The following XRCC4 variants were observed in gnomAD, a reference collection of about 807,000 sequenced individuals.
XRCC4 encodes DNA repair protein XRCC4.
In XRCC4, 28 loss-of-function variants were observed where a neutral mutation model predicts 39.1. The ratio of observed to expected loss-of-function variants is 0.72; its 90% confidence interval spans 0.53 to 0.98. XRCC4 has a LOEUF of 0.98. Among genes scored for constraint, XRCC4 ranks in the 50% least tolerant of loss-of-function variants. XRCC4 has a pLI of 0.00. For missense variants in XRCC4, 350 were observed against 376.4 expected (o/e 0.93, Z 0.58); for synonymous variants, 123 against 126.4 (o/e 0.97, Z 0.18).
intron 7 of XRCC4, chr5:83,280,127 C>T (rs1754484817): frequency 4.6e-6 from 1 of 218,132 alleles, no homozygotes; most frequent in Admixed American, 4.7e-5. Flanking sequence ...AAGACCTGGG[C>T]TAAAACACCA....
chr5:83,142,374 T>C (rs1175713070), intron 3 of XRCC4, among the ~76,000 whole-genome samples: 2 of 152,048 alleles, frequency 1.3e-5, no homozygotes, highest in African/African-American at 2.4e-5. Context: ...GCCAAATAGC[T>C]AGTGAGTGGC....
intron 7 of XRCC4, chr5:83,258,962 A>G (rs909769149): frequency 1.2e-5 from 4 of 331,348 alleles, no homozygotes; most frequent in Admixed American, 4.9e-5. Flanking sequence ...TTGGAATCCA[A>G]CTAGTGTTCA....
At chr5:83,240,400 G>A (rs565576885) in intron 6 of XRCC4, among the ~76,000 whole-genome samples, 285 of 152,206 alleles carry the variant, frequency 1.9e-3, no homozygotes, top group Non-Finnish European at 3.3e-3. Flanking sequence ...AGAGAGAAGC[G>A]ATGACCTGAA....
chr5:83,373,839 C>A, the XRCC4 span, among the ~76,000 whole-genome samples: 2 of 152,026 alleles, frequency 1.3e-5, no homozygotes, highest in South Asian at 2.1e-4. Context: ...ATAATAGCTA[C>A]CTTCTATTTA....
intron 3 of XRCC4, among the ~76,000 whole-genome samples, chr5:83,121,830 T>G (rs765511317): frequency 4.6e-5 from 7 of 152,188 alleles, no homozygotes; most frequent in Non-Finnish European, 8.8e-5. Flanking sequence ...AGATTTTACA[T>G]TTAGAGTCTG....
intron 3 of XRCC4, among the ~76,000 whole-genome samples, chr5:83,171,071 T>G (rs577613105): frequency 1.1e-4 from 17 of 152,258 alleles, no homozygotes; most frequent in African/African-American, 3.8e-4. Flanking sequence ...TTCACTCTAA[T>G]AGACCTGCAC....
At chr5:83,185,393 G>T (rs1260946217) in intron 3 of XRCC4, among the ~76,000 whole-genome samples, 1 of 146,276 alleles carries the variant, frequency 6.8e-6, no homozygotes, top group Non-Finnish European at 1.5e-5. Flanking sequence ...CTTTATTAAG[G>T]TATGATTGAT....
intron 7 of XRCC4, among the ~76,000 whole-genome samples, chr5:83,339,422 A>G (rs1756688933): frequency 6.6e-6 from 1 of 152,036 alleles, no homozygotes; most frequent in Non-Finnish European, 1.5e-5. Flanking sequence ...GGAGTTGAAC[A>G]ATGGGAACAC....
intron 3 of XRCC4, among the ~76,000 whole-genome samples, chr5:83,136,737 C>G (rs931810161): frequency 5.9e-5 from 9 of 152,114 alleles, no homozygotes; most frequent in African/African-American, 2.2e-4. Flanking sequence ...GCAATAAAGA[C>G]CTGCAGTACT....
At chr5:83,252,698 A>G (rs1296501587) in intron 6 of XRCC4, among the ~76,000 whole-genome samples, 2 of 152,098 alleles carry the variant, frequency 1.3e-5, no homozygotes, top group Non-Finnish European at 2.9e-5. Flanking sequence ...TTCTCAGCTG[A>G]GAAACTTAGA....
intron 3 of XRCC4, among the ~76,000 whole-genome samples, chr5:83,178,539 T>G (rs549112046): frequency 1.3e-5 from 2 of 152,102 alleles, no homozygotes; most frequent in East Asian, 3.9e-4. Context: ...GCCAAGCCAG[T>G]GCAAGCAAAA....
rs140503453 is a variant in XRCC4, at chr5:83,085,560, C to T, written c.-11+7945C>T. ...CATGTATGGGTTTAACATAAAATGA[C>T]AGTATCATTGCTATTTATAAATTTG... On this transcript the variant is annotated intron_variant, in intron 1 of 7. Coordinates refer to ENST00000396027, the MANE Select transcript of XRCC4 (RefSeq NM_003401.5). Among the ~76,000 whole-genome samples, 900 of 152,156 alleles carry T rather than the reference C, an allele frequency of 5.9e-3. 2 individuals are homozygous for T. Among genetic ancestry groups the T allele is most frequent in the Non-Finnish European group, 8.9e-3 (602 of 67,984 alleles).
chr5:83,246,255 A>G (rs1307668434), intron 6 of XRCC4, among the ~76,000 whole-genome samples: 2 of 152,022 alleles, frequency 1.3e-5, no homozygotes, highest in African/African-American at 4.8e-5. Context: ...GTGTAACTGT[A>G]TTCCTTGGCT....
intron 3 of XRCC4, among the ~76,000 whole-genome samples, chr5:83,189,001 T>G (rs1262366823): frequency 6.6e-6 from 1 of 152,156 alleles, no homozygotes; most frequent in Non-Finnish European, 1.5e-5. Flanking sequence ...AAAAATAAAG[T>G]AGCAGGCAAA....
chr5:83,148,126 A>AT (rs1748545669), intron 3 of XRCC4, among the ~76,000 whole-genome samples: 1 of 152,086 alleles, frequency 6.6e-6, no homozygotes, highest in Non-Finnish European at 1.5e-5. Flanking sequence ...ATCAGTTTTA[A>AT]TTTATCAATT....
chr5:83,197,283 A>T (rs1336996232), intron 4 of XRCC4, among the ~76,000 whole-genome samples: 1 of 152,104 alleles, frequency 6.6e-6, no homozygotes, highest in Non-Finnish European at 1.5e-5. Flanking sequence ...CATTTCTTGG[A>T]CCTGTATCTG....
At chr5:83,218,114 A>C (rs1315702283) in intron 6 of XRCC4, among the ~76,000 whole-genome samples, 2 of 150,756 alleles carry the variant, frequency 1.3e-5, no homozygotes, top group African/African-American at 4.9e-5. Context: ...ACATGTGCAC[A>C]ACGTGCAGGT....
intron 3 of XRCC4, among the ~76,000 whole-genome samples, chr5:83,129,182 C>T (rs1249972453): frequency 2.1e-5 from 3 of 144,452 alleles, no homozygotes; most frequent in African/African-American, 8.0e-5. Flanking sequence ...CCAGTTTCAG[C>T]TTTCTACATA....
intron 5 of XRCC4, among the ~76,000 whole-genome samples, chr5:83,204,319 A>T (rs1379607393): frequency 2.0e-5 from 3 of 152,164 alleles, no homozygotes; most frequent in Non-Finnish European, 4.4e-5. Flanking sequence ...CCAGTGACGT[A>T]GTATAAAAAA....
Sources: gnomAD v4.1 joint callset for allele counts (sites outside exome capture counted in the v4.1 genomes callset) on GRCh38, gnomAD v4.1.1 for gene constraint, MANE v1.5 for transcripts, NCBI Gene and HGNC (gene_info 2026-07-23, HGNC 2026-07-21) for gene names.